FOXP2: variants seen among roughly 807,000 people sequenced by gnomAD.
The protein encoded by FOXP2 is forkhead box P2, also known as forkhead box protein P2.
FOXP2 carries 12 observed loss-of-function variants against 115.8 expected under a neutral mutation model. The ratio of observed to expected loss-of-function variants is 0.10; its 90% CI spans 0.07 to 0.17. The LOEUF is 0.17. Ranked by LOEUF, FOXP2 falls within the 10% of genes least tolerant of loss-of-function variation. The pLI, the probability that FOXP2 is intolerant of heterozygous loss-of-function variation, is 1.00. For synonymous variants in FOXP2, 328 were observed against 297.7 expected (o/e 1.10, Z -1.05); for missense variants, 629 against 843.5 (o/e 0.75, Z 3.15).
At chr7:114,127,580 C>T (rs183126247) in intron 1 of FOXP2, among the ~76,000 whole-genome samples, 5 of 152,018 alleles carry the variant, frequency 3.3e-5, no homozygotes, top group Non-Finnish European at 5.9e-5. Flanking sequence ...ATAATCTATA[C>T]AGAATGTAAA....
At chr7:114,152,737 G>GTGTA (rs1385344780) in intron 1 of FOXP2, among the ~76,000 whole-genome samples, 1 of 152,114 alleles carries the variant, frequency 6.6e-6, no homozygotes, top group Non-Finnish European at 1.5e-5. Flanking sequence ...AGAGAAGCAA[G>GTGTA]TGTATGTTTG....
intron 3 of FOXP2, among the ~76,000 whole-genome samples, chr7:114,578,864 G>C (rs1801701748): frequency 6.6e-6 from 1 of 152,106 alleles, no homozygotes; most frequent in South Asian, 2.1e-4. Context: ...AGTGAATTGT[G>C]AAATTCCAGA....
chr7:114,168,208 G>A (rs1347529083), intron 1 of FOXP2, among the ~76,000 whole-genome samples: 1 of 152,210 alleles, frequency 6.6e-6, no homozygotes, highest in African/African-American at 2.4e-5. Flanking sequence ...AAATGTGGAA[G>A]TTATTTTGGA....
At chr7:114,515,343 C>A (rs1297214709) in intron 2 of FOXP2, among the ~76,000 whole-genome samples, 2,593 of 149,412 alleles carry the variant, frequency 0.017, 72 homozygotes, top group African/African-American at 0.06. Context: ...AACAGTGTAA[C>A]AGTGTTCCTA....
chr7:114,487,355 A>AG (rs1302057140), intron 2 of FOXP2, among the ~76,000 whole-genome samples: 2 of 152,088 alleles, frequency 1.3e-5, no homozygotes, highest in African/African-American at 2.4e-5. Flanking sequence ...TGCACACAGC[A>AG]GGGGGGCCCT....
chr7:114,480,549 A>C (rs1396265003), intron 2 of FOXP2, among the ~76,000 whole-genome samples: 1 of 150,458 alleles, frequency 6.6e-6, no homozygotes, highest in Admixed American at 6.7e-5. Context: ...ACATAGACAC[A>C]TGTATATACA....
At chr7:114,550,025 A>G (rs1031625325) in intron 3 of FOXP2, among the ~76,000 whole-genome samples, 1 of 151,876 alleles carries the variant, frequency 6.6e-6, no homozygotes, top group African/African-American at 2.4e-5. Flanking sequence ...AACTCTTAAT[A>G]CCAAGGCAGG....
At chr7:114,088,703 A>T (rs966980500) in intron 1 of FOXP2, among the ~76,000 whole-genome samples, 7 of 152,222 alleles carry the variant, frequency 4.6e-5, no homozygotes, top group Non-Finnish European at 8.8e-5. Context: ...ATACCTTGGG[A>T]AATGTTTTAT....
At chr7:114,439,277 T>C (rs1216460168) in intron 2 of FOXP2, among the ~76,000 whole-genome samples, 1 of 152,150 alleles carries the variant, frequency 6.6e-6, no homozygotes, top group African/African-American at 2.4e-5. Context: ...CGGATATGGA[T>C]TTGTAGTAGT....
In FOXP2 at chr7:114,310,511, T is replaced by A. The variant is rs1431463960; in HGVS notation, c.-11+22402T>A. Among the ~76,000 whole-genome samples the A allele has an allele frequency of 2.9e-3, 361 of 125,622 alleles. 5 individuals carry two copies. The highest frequency in any genetic ancestry group is 0.012 in the African/African-American group (346 of 28,044). The allele number at this position is 125,622 out of a possible 152,430, so 82.4% of individuals were successfully genotyped here. ...AGAGCATAGTAGCAGATTAGCTGTC[T>A]TTTTTTTTTTTTTAAGTGGGTGTAC... On this transcript the variant is annotated intron_variant, in intron 2 of 17. Coordinates refer to the FOXP2 transcript ENST00000634411.
At chr7:114,613,600 G>A (rs1159477813) in intron 3 of FOXP2, among the ~76,000 whole-genome samples, 2 of 151,352 alleles carry the variant, frequency 1.3e-5, no homozygotes, top group Non-Finnish European at 2.9e-5. Flanking sequence ...GCATGAACCC[G>A]GGAGGCAGAG....
At chr7:114,524,344 A>G (rs1798761190) in intron 2 of FOXP2, among the ~76,000 whole-genome samples, 1 of 152,286 alleles carries the variant, frequency 6.6e-6, no homozygotes, top group East Asian at 1.9e-4. Flanking sequence ...GGAATTATTT[A>G]TGTTGTTCTA....
chr7:114,320,578 T>C (rs1370169707), intron 2 of FOXP2, among the ~76,000 whole-genome samples: 1 of 152,250 alleles, frequency 6.6e-6, no homozygotes, highest in Non-Finnish European at 1.5e-5. Context: ...TCAGTCACTC[T>C]GTCCTGTGTG....
chr7:114,225,205 A>G (rs938813120), intron 1 of FOXP2, among the ~76,000 whole-genome samples: 4 of 151,988 alleles, frequency 2.6e-5, no homozygotes, highest in African/African-American at 9.7e-5. Context: ...TCTTACTTTA[A>G]CAATTTTATA....
chr7:114,089,265 ACACT>A (rs1354065830), intron 1 of FOXP2, among the ~76,000 whole-genome samples: 1 of 152,130 alleles, frequency 6.6e-6, no homozygotes, highest in Non-Finnish European at 1.5e-5. Context: ...GTGAGAAATG[ACACT>A]CAATTTAAAA....
At chr7:114,677,645 C>T (rs1807847502) in intron 16 of FOXP2, among the ~76,000 whole-genome samples, 1 of 152,100 alleles carries the variant, frequency 6.6e-6, no homozygotes, top group South Asian at 2.1e-4. Flanking sequence ...TCATTAGTGC[C>T]TTAGGTACTG....
rs567556659 is a variant in FOXP2, at chr7:114,495,662, T to C, written c.169-38955T>C. Reference sequence around the variant, plus strand: ...CTGGGATTACAGGCATGTGCCACCATGCTCCGCTATTTTTTTAAATTTTTA... The same window carrying C: ...CTGGGATTACAGGCATGTGCCACCACGCTCCGCTATTTTTTTAAATTTTTA... On this transcript the variant is annotated intron_variant, in intron 2 of 16. Coordinates refer to ENST00000350908, the MANE Select transcript of FOXP2 (RefSeq NM_014491.4). Among the ~76,000 whole-genome samples, 26 of 151,938 alleles carry C rather than the reference T, an allele frequency of 1.7e-4. No homozygotes were observed. In the East Asian group the frequency reaches 4.9e-3, roughly 28 times the overall value.
chr7:114,331,843 C>T (rs963205769), intron 2 of FOXP2, among the ~76,000 whole-genome samples: 4 of 151,762 alleles, frequency 2.6e-5, no homozygotes, highest in Non-Finnish European at 2.9e-5. Flanking sequence ...ATGGGGTTTT[C>T]GCCATGTTTG....
chr7:114,355,303 A>G (rs1026798942), intron 2 of FOXP2, among the ~76,000 whole-genome samples: 2 of 152,130 alleles, frequency 1.3e-5, no homozygotes, highest in Admixed American at 1.3e-4. Context: ...AATGAGATCA[A>G]ACTTGGCTCT....
Sources: gnomAD v4.1 joint callset for allele counts (sites outside exome capture counted in the v4.1 genomes callset) on GRCh38, gnomAD v4.1.1 for gene constraint, MANE v1.5 for transcripts, NCBI Gene and HGNC (gene_info 2026-07-23, HGNC 2026-07-21) for gene names.